GARIN1A: variants seen among roughly 807,000 people sequenced by gnomAD.
GARIN1A encodes golgi associated RAB2 interactor 1A.
At chr7:128,678,935 T>C in the GARIN1A span, among the ~76,000 whole-genome samples, 1 of 151,664 alleles carries the variant, frequency 6.6e-6, no homozygotes, top group South Asian at 2.1e-4. Flanking sequence ...CATTGTTGCA[T>C]ACATATATAC....
chr7:128,676,980 C>G, the GARIN1A span, among the ~76,000 whole-genome samples: 2 of 151,380 alleles, frequency 1.3e-5, no homozygotes, highest in South Asian at 2.1e-4. Context: ...CAAGACCAAC[C>G]TGGGCAACAT....
chr7:128,693,716 G>T, the GARIN1A span: 1 of 152,612 alleles, frequency 6.6e-6, no homozygotes, highest in Non-Finnish European at 1.5e-5. Flanking sequence ...CCTTGTCGTT[G>T]TCGCTGCTGC....
chr7:128,683,132 C>T, the GARIN1A span: 1 of 1,611,560 alleles, frequency 6.2e-7, no homozygotes, highest in Non-Finnish European at 8.5e-7. Flanking sequence ...TAGCCAGTTA[C>T]CTAGGAGAGC....
At chr7:128,695,217 C>T in the GARIN1A span, among the ~76,000 whole-genome samples, 1,086 of 152,346 alleles carry the variant, frequency 7.1e-3, 11 homozygotes, top group African/African-American at 0.025. This position sits in a 1 kb window ranked among gnomAD's most constrained non-coding sequence, Gnocchi z 4.5. Flanking sequence ...CACCCTCCAC[C>T]ATCCTGCTCT....
the GARIN1A span, among the ~76,000 whole-genome samples, chr7:128,707,593 A>G: frequency 6.6e-6 from 1 of 151,832 alleles, no homozygotes; most frequent in East Asian, 1.9e-4. Flanking sequence ...CAGCCTGGGA[A>G]CACAGGCCCT....
At chr7:128,679,903 A>G in the GARIN1A span, 1 of 525,476 alleles carries the variant, frequency 1.9e-6, no homozygotes. Flanking sequence ...ATGCTGAAGG[A>G]ACAGGTTCCC....
At chr7:128,698,550 G>C in the GARIN1A span, among the ~76,000 whole-genome samples, 2 of 152,066 alleles carry the variant, frequency 1.3e-5, no homozygotes, top group Non-Finnish European at 2.9e-5. Context: ...CTAGATACCT[G>C]TTCTGTCCAT....
At chr7:128,687,419 A>AATG in the GARIN1A span, 41,690 of 152,036 alleles carry the variant, frequency 0.27, 6,013 homozygotes, top group East Asian at 0.54. Flanking sequence ...CCGATCTTGG[A>AATG]ATGCTCTGAC....
At chr7:128,682,849 T>C in the GARIN1A span, 1 of 760,206 alleles carries the variant, frequency 1.3e-6, no homozygotes, top group Non-Finnish European at 2.1e-6. Flanking sequence ...AGTGCTAGGA[T>C]TACAGGTGTG....
chr7:128,675,726 ATCCTCGGGGTCACC>A, the GARIN1A span: 1 of 1,613,820 alleles, frequency 6.2e-7, no homozygotes, highest in Non-Finnish European at 8.5e-7. Flanking sequence ...TGCCACCGTG[ATCCTCGGGGTCACC>A]TCCTCGGTGC....
chr7:128,688,745 T>G, the GARIN1A span, among the ~76,000 whole-genome samples: 4 of 141,172 alleles, frequency 2.8e-5, no homozygotes, highest in African/African-American at 1.1e-4. Context: ...TTTTTGCTTT[T>G]AATAATAACG....
At chr7:128,699,260 G>GCCCCCCCCCC in the GARIN1A span, among the ~76,000 whole-genome samples, 1 of 105,016 alleles carries the variant, frequency 9.5e-6, no homozygotes, top group Non-Finnish European at 2.0e-5. Context: ...CATACCTGCT[G>GCCCCCCCCCC]CCCCCCCCCC....
At chr7:128,682,990 A>T in the GARIN1A span, 27 of 1,607,320 alleles carry the variant, frequency 1.7e-5, no homozygotes, top group Non-Finnish European at 2.1e-5. Flanking sequence ...ATTGAAATAG[A>T]CAACTGCAGC....
chr7:128,683,236 G>A, the GARIN1A span: 2 of 1,165,294 alleles, frequency 1.7e-6, no homozygotes, highest in Non-Finnish European at 2.4e-6. Flanking sequence ...TCCACTGTGA[G>A]CCAAGTGACC....
chr7:128,691,081 T>C, the GARIN1A span: 3 of 152,148 alleles, frequency 2.0e-5, no homozygotes, highest in Non-Finnish European at 2.9e-5. Flanking sequence ...AATTCAAGTA[T>C]GTACTATATC....
chr7:128,692,612 G>C, the GARIN1A span, among the ~76,000 whole-genome samples: 3 of 152,164 alleles, frequency 2.0e-5, no homozygotes, highest in African/African-American at 7.2e-5. Flanking sequence ...ATGGAATTCA[G>C]AGAAAAGAGA....
chr7:128,705,365 A>G, the GARIN1A span, among the ~76,000 whole-genome samples: 1 of 151,974 alleles, frequency 6.6e-6, no homozygotes, highest in African/African-American at 2.4e-5. Context: ...GTGTTTCATC[A>G]TGGTCAAACT....
At chr7:128,696,564 A>T in the GARIN1A span, among the ~76,000 whole-genome samples, 1 of 152,102 alleles carries the variant, frequency 6.6e-6, no homozygotes, top group Non-Finnish European at 1.5e-5. Flanking sequence ...GTGGTGGCTC[A>T]CGCCTATAAT....
the GARIN1A span, among the ~76,000 whole-genome samples, chr7:128,675,445 C>T: frequency 6.6e-6 from 1 of 152,026 alleles, no homozygotes; most frequent in Non-Finnish European, 1.5e-5. Context: ...AAACAGTTAT[C>T]TTTTTAGTTA....
Sources: gnomAD v4.1 joint callset for allele counts (sites outside exome capture counted in the v4.1 genomes callset) on GRCh38, gnomAD v4.1.1 for gene constraint, Gnocchi (gnomAD v3.1) non-coding constraint, MANE v1.5 for transcripts, NCBI Gene and HGNC (gene_info 2026-07-23, HGNC 2026-07-21) for gene names.